The following SLMAP variants were observed in gnomAD, a reference collection of about 807,000 sequenced individuals.
SLMAP encodes sarcolemma associated protein, also known as sarcolemmal membrane-associated protein.
SLMAP carries 44 observed loss-of-function variants against 128.8 expected under a neutral mutation model. The ratio of observed to expected loss-of-function variants is 0.34; its 90% CI spans 0.27 to 0.44. The LOEUF is 0.44. Ranked by LOEUF, SLMAP falls within the 20% of genes least tolerant of loss-of-function variation. The probability of loss-of-function intolerance (pLI) is 1.00; values close to 1 mark genes in which losing one functional copy is unlikely to be tolerated. For synonymous variants in SLMAP, 327 were observed against 348.8 expected (o/e 0.94, Z 0.70); for missense variants, 787 against 985.3 (o/e 0.80, Z 2.69).
chr3:57,789,021 T>C (rs540338389), intron 2 of SLMAP, among the ~76,000 whole-genome samples: 93 of 152,304 alleles, frequency 6.1e-4, no homozygotes, highest in African/African-American at 2.1e-3. Context: ...AAGGAGCCTG[T>C]GGTGATTCTG....
At chr3:57,792,696 T>C (rs2085757533) in intron 2 of SLMAP, among the ~76,000 whole-genome samples, 1 of 152,168 alleles carries the variant, frequency 6.6e-6, no homozygotes, top group African/African-American at 2.4e-5. Context: ...CTTATTTATA[T>C]TTTTTATAAT....
intron 2 of SLMAP, among the ~76,000 whole-genome samples, chr3:57,809,548 GC>G (rs1287449178): frequency 7.2e-5 from 11 of 152,328 alleles, no homozygotes; most frequent in Admixed American, 3.3e-4. Context: ...ACCACGAACA[GC>G]AGCAGGAGGC....
chr3:57,915,985 C>T (rs934979443), intron 21 of SLMAP, among the ~76,000 whole-genome samples: 1 of 151,998 alleles, frequency 6.6e-6, no homozygotes, highest in African/African-American at 2.4e-5. Context: ...GGAGAAACCT[C>T]GTCACTACTA....
At chr3:57,870,041 T>A (rs1450326127) in intron 13 of SLMAP, among the ~76,000 whole-genome samples, 6 of 152,088 alleles carry the variant, frequency 3.9e-5, no homozygotes, top group Non-Finnish European at 8.8e-5. Context: ...AGAGTTCAGA[T>A]AAAAGTGTGA....
At chr3:57,790,389 G>T (rs1167700151) in intron 2 of SLMAP, among the ~76,000 whole-genome samples, 1 of 151,922 alleles carries the variant, frequency 6.6e-6, no homozygotes, top group Non-Finnish European at 1.5e-5. Context: ...AAATGTTTTA[G>T]TATTGATCCT....
At chr3:57,898,072 C>T (rs907801261) in intron 17 of SLMAP, 2 of 152,042 alleles carry the variant, frequency 1.3e-5, no homozygotes, top group African/African-American at 2.4e-5. Context: ...GTGGAAGTGC[C>T]GATTTTTCTG....
At chr3:57,877,657 T>C (rs1468010367) in intron 14 of SLMAP, among the ~76,000 whole-genome samples, 1 of 152,230 alleles carries the variant, frequency 6.6e-6, no homozygotes, top group East Asian at 1.9e-4. Context: ...TTCTAACATA[T>C]CTACCAGATT....
At chr3:57,812,420 T>C (rs1428158923) in intron 2 of SLMAP, among the ~76,000 whole-genome samples, 1 of 152,230 alleles carries the variant, frequency 6.6e-6, no homozygotes, top group South Asian at 2.1e-4. Flanking sequence ...ATTCTATTCA[T>C]ATTCTTTTGA....
chr3:57,770,780 T>C (rs1306369426), intron 2 of SLMAP, among the ~76,000 whole-genome samples: 2 of 152,240 alleles, frequency 1.3e-5, no homozygotes, highest in East Asian at 3.8e-4. Flanking sequence ...GGATAGGCAG[T>C]CAATAGCTTG....
chr3:57,864,469 G>T, intron 10 of SLMAP, 79 bp from the exon 11 acceptor site: 1 of 869,844 alleles, frequency 1.1e-6, no homozygotes, highest in Non-Finnish European at 1.8e-6. Context: ...AGAAGTTTAA[G>T]TGAATAAAGG....
intron 19 of SLMAP, among the ~76,000 whole-genome samples, chr3:57,911,846 C>T (rs771288691): frequency 7.2e-6 from 1 of 138,392 alleles, no homozygotes; most frequent in Non-Finnish European, 1.5e-5. Context: ...AACAGAAAAA[C>T]GAATCAAGGG....
At chr3:57,784,931 A>G (rs1286687263) in intron 2 of SLMAP, among the ~76,000 whole-genome samples, 1 of 152,068 alleles carries the variant, frequency 6.6e-6, no homozygotes, top group East Asian at 1.9e-4. Flanking sequence ...GCCTTCTGCC[A>G]TGGTATATGG....
At chr3:57,906,310 C>CTTTTTTTTTCTTTTTT (rs2096551233) in intron 17 of SLMAP, among the ~76,000 whole-genome samples, 1 of 47,034 alleles carries the variant, frequency 2.1e-5, no homozygotes, top group Non-Finnish European at 4.2e-5. Flanking sequence ...CTTTTTTTTT[C>CTTTTTTTTTCTTTTTT]TTTTTTTTTT....
At chr3:57,864,439 C>G (rs930586977) in intron 10 of SLMAP, 109 bp from the exon 11 acceptor site, 1 of 670,054 alleles carries the variant, frequency 1.5e-6, no homozygotes, top group African/African-American at 1.9e-5. Flanking sequence ...CATTTCTTTT[C>G]TACAGAACAA....
chr3:57,767,588 A>G (rs2080007244), intron 2 of SLMAP, among the ~76,000 whole-genome samples: 1 of 152,230 alleles, frequency 6.6e-6, no homozygotes, highest in South Asian at 2.1e-4. Flanking sequence ...ACAATTTCAC[A>G]CAAAATAATT....
At chr3:57,896,718 A>G (rs2096252708) in intron 16 of SLMAP, 127 bp downstream of exon 16, 1 of 1,269,636 alleles carries the variant, frequency 7.9e-7, no homozygotes, top group Non-Finnish European at 1.1e-6. Flanking sequence ...TTATCAAGTC[A>G]TCCCCTTTGA....
Position 57,917,032 on chromosome 3 carries a change from T to A in SLMAP, c.2265T>A (p.Thr755=), listed in dbSNP as rs2096826892. ...TTCGGGATTCAGCTGATTTAAAAAC[T>A]CTTCTCAGTAAGGCAGAAAACCAAG... ...QHLRDSADLK[T]LLSKAENQAK... Residue 755 remains threonine, a synonymous_variant, in exon 22 of 25, where the codon ACT becomes ACA. Transcript: ENST00000671191. 1 of 1,613,816 alleles carries A rather than the reference T, an allele frequency of 6.2e-7. No individual in the cohort carries two copies.
intron 3 of SLMAP, among the ~76,000 whole-genome samples, chr3:57,833,669 C>T (rs1331369086): frequency 2.0e-5 from 3 of 152,096 alleles, no homozygotes; most frequent in African/African-American, 4.8e-5. Flanking sequence ...CTGCCCATCT[C>T]AGCCTCCCAA....
chr3:57,912,332 T>A (rs1441305900), intron 19 of SLMAP, 49 bp from the exon 20 acceptor site: 1 of 1,513,766 alleles, frequency 6.6e-7, no homozygotes, highest in South Asian at 1.2e-5. Flanking sequence ...CTGTATGGAT[T>A]ATTCTTTTAT....
Sources: allele counts gnomAD v4.1 joint callset (sites outside exome capture counted in the v4.1 genomes callset), GRCh38; gene constraint gnomAD v4.1.1; transcripts MANE v1.5; gene names NCBI Gene and HGNC (gene_info 2026-07-23, HGNC 2026-07-21).